The following OLFM4 variants were observed in gnomAD, a reference collection of about 807,000 sequenced individuals.
OLFM4 encodes olfactomedin-4.
Under a neutral mutation model 25.5 loss-of-function variants are expected in OLFM4, and 22 were observed. The observed-to-expected ratio is 0.86, with a 90% CI of 0.62 to 1.23. OLFM4 has a LOEUF of 1.23. Ranked by LOEUF, OLFM4 falls within the 50% of genes most tolerant of loss-of-function variation. The pLI, the probability that OLFM4 is intolerant of heterozygous loss-of-function variation, is 0.00. For missense variants in OLFM4, 594 were observed against 619.4 expected (o/e 0.96, Z 0.44); for synonymous variants, 255 against 237.7 (o/e 1.07, Z -0.67).
At chr13:53,038,958 T>A (rs898926684) in intron 2 of OLFM4, among the ~76,000 whole-genome samples, 9 of 152,252 alleles carry the variant, frequency 5.9e-5, no homozygotes, top group Admixed American at 1.3e-4. Flanking sequence ...CCTTTAAGTG[T>A]CAGCTGAAGA....
intron 2 of OLFM4, among the ~76,000 whole-genome samples, chr13:53,036,610 C>A (rs1954659983): frequency 6.6e-6 from 1 of 152,046 alleles, no homozygotes; most frequent in African/African-American, 2.4e-5. Flanking sequence ...GTGTCGGTGG[C>A]TGCTCTGATC....
chr13:53,030,501 C>T (rs1954623693), intron 1 of OLFM4, among the ~76,000 whole-genome samples: 1 of 152,170 alleles, frequency 6.6e-6, no homozygotes, highest in African/African-American at 2.4e-5. Context: ...TGGAGTTTCA[C>T]CATGTTGGTC....
intron 4 of OLFM4, among the ~76,000 whole-genome samples, chr13:53,047,786 G>A (rs1954723196): frequency 6.6e-6 from 1 of 152,080 alleles, no homozygotes; most frequent in African/African-American, 2.4e-5. Flanking sequence ...TTTTTGAGAA[G>A]TTTATTTTGG....
At chr13:53,029,523 G>T (rs1954617672) in intron 1 of OLFM4, among the ~76,000 whole-genome samples, 1 of 152,196 alleles carries the variant, frequency 6.6e-6, no homozygotes, top group Admixed American at 6.5e-5. Flanking sequence ...ATCCCGGAAT[G>T]GTGAACAGTA....
At chr13:53,036,865 A>T (rs562326074) in intron 2 of OLFM4, among the ~76,000 whole-genome samples, 2 of 152,338 alleles carry the variant, frequency 1.3e-5, no homozygotes, top group African/African-American at 4.8e-5. Flanking sequence ...GACTTGCCCA[A>T]GGTCATTCCT....
intron 2 of OLFM4, among the ~76,000 whole-genome samples, chr13:53,037,895 C>A (rs1954666820): frequency 6.6e-6 from 1 of 152,228 alleles, no homozygotes; most frequent in East Asian, 1.9e-4. Context: ...AGCTTGCTAG[C>A]ACTACACCCT....
intron 2 of OLFM4, among the ~76,000 whole-genome samples, chr13:53,037,114 C>T (rs550065748): frequency 1.3e-4 from 20 of 152,286 alleles, no homozygotes; most frequent in Non-Finnish European, 1.8e-4. Context: ...GGAGAATGCC[C>T]GTTTAGGACA....
rs778298845 is a variant in OLFM4 at position 53,050,641 on chromosome 13, A to G, written c.1403A>G (p.Asp468Gly). 54 of 1,613,980 alleles carry G rather than the reference A, an allele frequency of 3.3e-5. No individual in the cohort carries two copies. Among genetic ancestry groups the G allele is most frequent in the Non-Finnish European group, 4.5e-5 (53 of 1,179,950 alleles). Residue 468 changes from aspartate (D) to glycine (G), a missense_variant, in exon 5 of 5, where the codon GAC becomes GGC. By Grantham distance (94) the Asp-to-Gly change is moderately conservative. Transcript: ENST00000219022. ...AACACAGGGAAAGAGGGCAAACTAG[A>G]CATTGTAATGCATAAGATGCAGGAA... ...DTNTGKEGKL[D>G]IVMHKMQEKV...
Position 53,050,768 on chromosome 13 carries a change from G to A in OLFM4, c.1530G>A (p.Gln510=). The A allele has an allele frequency of 1.9e-6, 3 of 1,586,186 alleles. No individual in the cohort carries two copies. Among genetic ancestry groups the A allele is most frequent in the Non-Finnish European group, 1.7e-6 (2 of 1,169,660 alleles). The stretch of plus-strand genomic sequence containing the variant: ...ATCTTTCTGTCTTGCAGAAGCCCCA[G>A]TAAGCTGTTTAGGAGTTAGGGTGAA... ...NYDLSVLQKP[Q] is the part of the protein sequence containing the mutation. Residue 510 remains glutamine (Q), a synonymous_variant, in exon 5 of 5, where the codon CAG becomes CAA. Transcript: ENST00000219022.
intron 4 of OLFM4, among the ~76,000 whole-genome samples, chr13:53,049,436 G>T (rs561661669): frequency 1.5e-3 from 221 of 152,242 alleles, no homozygotes; most frequent in African/African-American, 5.2e-3. Context: ...TCCCAAGGAA[G>T]GGGAGAGTGA....
At chr13:53,045,186 A>G (rs1954709717) in intron 4 of OLFM4, among the ~76,000 whole-genome samples, 1 of 152,168 alleles carries the variant, frequency 6.6e-6, no homozygotes, top group Admixed American at 6.5e-5. Flanking sequence ...CTTAGTATCC[A>G]GGGAAGAAAA....
intron 1 of OLFM4, 122 bp downstream of exon 1, chr13:53,029,162 G>A: frequency 2.1e-6 from 3 of 1,406,630 alleles, no homozygotes; most frequent in South Asian, 1.4e-5. Flanking sequence ...GACTCATTTT[G>A]TTAACTATAG....
intron 4 of OLFM4, among the ~76,000 whole-genome samples, chr13:53,049,497 T>C (rs78118365): frequency 0.018 from 2,698 of 152,260 alleles, 79 homozygotes; most frequent in African/African-American, 0.062. Context: ...ATCACTATTC[T>C]TTCTGGGATA....
intron 1 of OLFM4, among the ~76,000 whole-genome samples, chr13:53,029,674 G>A (rs1019319303): frequency 2.0e-5 from 3 of 152,298 alleles, no homozygotes; most frequent in South Asian, 4.1e-4. Context: ...GTGGACATTC[G>A]CCTAGGGGAG....
intron 4 of OLFM4, among the ~76,000 whole-genome samples, chr13:53,043,714 C>T (rs1954700816): frequency 8.2e-6 from 1 of 121,844 alleles, no homozygotes; most frequent in African/African-American, 4.1e-5. Flanking sequence ...CTCTCTCCTT[C>T]TGTTTCTCTT....
rs764397352 is a variant in OLFM4 at position 53,050,110 on chromosome 13, C to T, written c.872C>T (p.Ala291Val). The T allele has an allele frequency of 1.1e-5, 17 of 1,613,702 alleles. No homozygotes were observed. The highest frequency in any genetic ancestry group is 5.5e-5 in the South Asian group (5 of 91,072). ...QHPNKGLYWVAPLNTDGRLLE... is the reference protein window; with the variant it reads ...QHPNKGLYWVVPLNTDGRLLE... ...CCAAACAAAGGACTGTATTGGGTGG[C>T]GCCATTGAATACAGATGGGAGACTG... Residue 291 changes from alanine to valine, a missense_variant, in exon 5 of 5, where the codon GCG becomes GTG. By Grantham distance (64) the Ala-to-Val change is moderately conservative. Transcript: ENST00000219022.
chr13:53,038,294 TA>T (rs2138235049), intron 2 of OLFM4, among the ~76,000 whole-genome samples: 1 of 152,286 alleles, frequency 6.6e-6, no homozygotes, highest in South Asian at 2.1e-4. Context: ...ACCACTTTTC[TA>T]GATCAAAATA....
intron 1 of OLFM4, among the ~76,000 whole-genome samples, 175 bp downstream of exon 1, chr13:53,029,215 T>G (rs943789186): frequency 6.6e-6 from 1 of 152,152 alleles, no homozygotes; most frequent in African/African-American, 2.4e-5. Context: ...ATAATTAAAT[T>G]GTTAGCAAGA....
chr13:53,042,152 T>A, intron 3 of OLFM4, 30 bp downstream of exon 3: 3 of 1,590,784 alleles, frequency 1.9e-6, no homozygotes, highest in Non-Finnish European at 2.6e-6. Flanking sequence ...CTTGGTAAAT[T>A]AATAATAAAC....
Sources: gnomAD v4.1 joint callset for allele counts (sites outside exome capture counted in the v4.1 genomes callset) on GRCh38, gnomAD v4.1.1 for gene constraint, MANE v1.5 for transcripts, NCBI Gene and HGNC (gene_info 2026-07-23, HGNC 2026-07-21) for gene names.